MED17: variants seen among roughly 807,000 people sequenced by gnomAD.
The protein encoded by MED17 is mediator complex subunit 17.
MED17 carries 49 observed loss-of-function variants against 80.8 expected under a neutral mutation model. The observed-to-expected ratio is 0.61, with a 90% CI of 0.48 to 0.77. The LOEUF (loss-of-function observed/expected upper bound fraction) is 0.77, where lower values mean the gene tolerates loss of function less well. MED17 is among the 30% of genes least tolerant of loss of function. The pLI is 0.00. For missense variants in MED17, 718 were observed against 787.0 expected (o/e 0.91, Z 1.05); for synonymous variants, 281 against 280.4 (o/e 1.00, Z -0.02).
In MED17 at chr11:93,795,006, T is replaced by A. The variant is rs748351387; in HGVS notation, c.958T>A (p.Ser320Thr). The part of the protein sequence containing the change: ...QLSREAVQIK[S>T]QVPHIVVKNQ... ...CTCTCGGGAAGCTGTTCAAATTAAA[T>A]CACAAGTCCCTCACATTGTGGTGAA... Residue 320 changes from serine to threonine, a missense_variant, in exon 6 of 12, where the codon TCA becomes ACA. Coordinates refer to ENST00000251871, the MANE Select transcript of MED17 (RefSeq NM_004268.5). 4 of 1,614,074 alleles carry A rather than the reference T, an allele frequency of 2.5e-6. No individual in the cohort carries two copies. In the Admixed American group the frequency reaches 6.7e-5, roughly 27 times the overall value.
In MED17 at chr11:93,784,361, C is replaced by A; in HGVS notation, c.-153C>A. 2 of 989,056 alleles carry A rather than the reference C, an allele frequency of 2.0e-6. No homozygotes were observed. The highest frequency in any genetic ancestry group is 2.9e-6 in the Non-Finnish European group (2 of 694,924). 61.3% of individuals were successfully genotyped at this position (989,056 alleles called of 1,614,324 possible). A position where few individuals can be genotyped will look rare whatever the true frequency, so the allele number is the denominator to read the frequency against. On this transcript the variant is annotated 5_prime_UTR_variant, in exon 1 of 12. Coordinates refer to ENST00000251871, the MANE Select transcript of MED17 (RefSeq NM_004268.5). ...GTTGCTGGGCCAGCTCCTTTGTTTC[C>A]AGTCTGAGCGTTGCGTTCGGTTTCC...
In MED17 at chr11:93,797,532, T is replaced by A. The variant is rs756231349; in HGVS notation, c.1144-3T>A. The A allele has an allele frequency of 6.2e-7, 1 of 1,613,514 alleles. No homozygotes were observed. Among genetic ancestry groups the A allele is most frequent in the Admixed American group, 1.7e-5 (1 of 60,020 alleles). On this transcript the variant is annotated splice_region_variant and splice_polypyrimidine_tract_variant and intron_variant, in intron 7 of 11. Coordinates refer to ENST00000251871, the MANE Select transcript of MED17 (RefSeq NM_004268.5). ...TGGTATTTAAAATGGCTGTTTTTGT[T>A]AGTTTCATAAACAGACCTTGAGTTC... is the stretch of plus-strand genomic sequence containing the variant.
At chr11:93,784,915 T>C in intron 1 of MED17, 152 bp downstream of exon 1, 1 of 1,155,350 alleles carries the variant, frequency 8.7e-7, no homozygotes, top group Non-Finnish European at 1.2e-6. Context: ...TCGTCATCTT[T>C]TTGTTGCTGC....
Position 93,814,193 on chromosome 11 carries a change from CG to C in MED17, c.*2130del, listed in dbSNP as rs1944111781. 1.3e-5 allele frequency: 2 copies of C among 152,146 alleles called. No homozygotes were observed. The highest frequency in any genetic ancestry group is 2.4e-5 in the African/African-American group (1 of 41,416). The allele number at this position is 152,146 out of a possible 1,614,324, so 9.4% of individuals were successfully genotyped here. The stretch of plus-strand genomic sequence containing the variant: ...TAGAGTGGGATAACTGAAGACTTTA[CG>C]TTCTTCATGTCTTACTTTCCCTGTT... On this transcript the variant is annotated 3_prime_UTR_variant, in exon 12 of 12. Coordinates refer to ENST00000251871, the MANE Select transcript of MED17 (RefSeq NM_004268.5).
chr11:93,811,608 C>G, intron 11 of MED17: 1 of 517,516 alleles, frequency 1.9e-6, no homozygotes, highest in South Asian at 2.4e-5. Flanking sequence ...ATTCCTAGGT[C>G]AAAACTCACC....
intron 10 of MED17, 41 bp from the exon 11 acceptor site, chr11:93,809,676 T>C (rs552912560): frequency 8.7e-6 from 14 of 1,610,724 alleles, no homozygotes; most frequent in South Asian, 5.5e-5. Context: ...ACTGCAGATA[T>C]CTCTGCTGAC....
chr11:93,801,562 A>T, intron 8 of MED17: 1 of 391,532 alleles, frequency 2.6e-6, no homozygotes. Context: ...GAAGAAAATG[A>T]ATAGAGTTAA....
At chr11:93,807,867 C>T (rs1346142201) in intron 10 of MED17, 1 of 538,862 alleles carries the variant, frequency 1.9e-6, no homozygotes, top group African/African-American at 1.9e-5. Flanking sequence ...AGATGAAGGA[C>T]CAGTTCTGAG....
Position 93,799,656 on chromosome 11 carries a change from G to C in MED17, c.1328+1937G>C, listed in dbSNP as rs140134151. Among the ~76,000 whole-genome samples, 4 of 152,318 alleles carry C rather than the reference G, an allele frequency of 2.6e-5. No homozygotes were observed. The East Asian group carries it at 7.7e-4, about 29-fold the overall frequency. ...CCAGATGTGGTGGTGTGCACCTGTA[G>C]TCCCAGCTACTTGGGAGGCTGAGGC... On this transcript the variant is annotated intron_variant, in intron 8 of 11. Coordinates refer to ENST00000251871, the MANE Select transcript of MED17 (RefSeq NM_004268.5).
chr11:93,787,717 A>T (rs1445549803), intron 1 of MED17, among the ~76,000 whole-genome samples: 1 of 152,212 alleles, frequency 6.6e-6, no homozygotes, highest in Non-Finnish European at 1.5e-5. Flanking sequence ...GAAGATTATT[A>T]AAAAGGTTTA....
chr11:93,792,674 G>T (rs1328679247), intron 3 of MED17, among the ~76,000 whole-genome samples: 1 of 152,166 alleles, frequency 6.6e-6, no homozygotes, highest in Non-Finnish European at 1.5e-5. Context: ...GGGCATGGGG[G>T]CTCACACCTG....
At position 93,812,128 on chromosome 11, in the gene MED17, C is replaced by T; in HGVS notation, c.*64C>T. ...TTGACTTGAAATGTTTGCAGATCAA[C>T]TATAAGCACAAAGAAGAGATAACTT... is the stretch of plus-strand genomic sequence containing the variant. On this transcript the variant is annotated 3_prime_UTR_variant, in exon 12 of 12. Transcript: ENST00000251871. 2 of 1,345,586 alleles carry T rather than the reference C, an allele frequency of 1.5e-6. No homozygotes were observed. Among genetic ancestry groups the T allele is most frequent in the Non-Finnish European group, 2.1e-6 (2 of 936,910 alleles). The allele number at this position is 1,345,586 out of a possible 1,614,324, so 83.4% of individuals were successfully genotyped here.
At chr11:93,811,725 T>C in intron 11 of MED17, 128 bp from the exon 12 acceptor site, 1 of 843,384 alleles carries the variant, frequency 1.2e-6, no homozygotes, top group Non-Finnish European at 1.9e-6. Context: ...AAAGCACTTT[T>C]TTACAAGAAT....
At chr11:93,786,654 GAT>G (rs1173456032) in intron 1 of MED17, among the ~76,000 whole-genome samples, 1 of 152,060 alleles carries the variant, frequency 6.6e-6, no homozygotes, top group Non-Finnish European at 1.5e-5. Flanking sequence ...TTTTAGTAGA[GAT>G]AGAGTTTCAC....
chr11:93,795,476 A>G (rs903555157), intron 6 of MED17: 1 of 181,164 alleles, frequency 5.5e-6, no homozygotes, highest in African/African-American at 2.4e-5. Flanking sequence ...CGAGGCGGGC[A>G]TATCACCTGG....
At chr11:93,785,126 T>C (rs1377049304) in intron 1 of MED17, among the ~76,000 whole-genome samples, 1 of 152,210 alleles carries the variant, frequency 6.6e-6, no homozygotes, top group Non-Finnish European at 1.5e-5. Flanking sequence ...GCGAGTTACT[T>C]TGCATCCTTG....
At chr11:93,790,910 G>A (rs891963468) in intron 3 of MED17, 117 bp downstream of exon 3, 62 of 913,662 alleles carry the variant, frequency 6.8e-5, no homozygotes, top group Non-Finnish European at 9.6e-5. Flanking sequence ...AGTTCAAGAT[G>A]AGCCCAGGCA....
chr11:93,795,092 A>C, intron 6 of MED17, 32 bp downstream of exon 6: 1 of 1,613,290 alleles, frequency 6.2e-7, no homozygotes, highest in Non-Finnish European at 8.5e-7. Flanking sequence ...CTTTATGAAC[A>C]GGACTTTGTG....
intron 8 of MED17, chr11:93,801,203 C>T (rs1943958090): frequency 6.6e-6 from 1 of 152,088 alleles, no homozygotes; most frequent in African/African-American, 2.4e-5. Context: ...ATAGTGCCTA[C>T]CTAATAAGGT....
Sources: gnomAD v4.1 joint callset for allele counts (sites outside exome capture counted in the v4.1 genomes callset) on GRCh38, gnomAD v4.1.1 for gene constraint, MANE v1.5 for transcripts, NCBI Gene and HGNC (gene_info 2026-07-23, HGNC 2026-07-21) for gene names.